The following AHCTF1 variants were observed in gnomAD, a reference collection of about 807,000 sequenced individuals.
The protein encoded by AHCTF1 is AT-hook containing transcription factor 1.
AHCTF1 carries 24 observed loss-of-function variants against 248.4 expected under a neutral mutation model. That is an observed-to-expected ratio of 0.10 (90% CI 0.07 to 0.14). The LOEUF is 0.14. AHCTF1 is among the 10% of genes least tolerant of loss of function. AHCTF1 has a pLI of 1.00. For missense variants in AHCTF1, 2,206 were observed against 2,636.2 expected (o/e 0.84, Z 3.57); for synonymous variants, 786 against 929.8 (o/e 0.85, Z 2.81).
In AHCTF1 at chr1:246,861,185, G is replaced by A. The variant is rs994514066; in HGVS notation, c.3846C>T (p.Asn1282=). 1.2e-6 allele frequency: 2 copies of A among 1,613,618 alleles called. No homozygotes were observed. The highest frequency in any genetic ancestry group is 1.7e-6 in the Non-Finnish European group (2 of 1,180,026). ...SKDRTTSFFL[N]SPEKEHQEMD... ...TTTCTTGATGCTCCTTTTCAGGGCT[G>A]TTCAGGAAAAAAGATGTGGTCCTAT... Residue 1282 remains asparagine (N), a synonymous_variant, in exon 29 of 36, where the codon AAC becomes AAT. Coordinates refer to ENST00000648844, the MANE Select transcript of AHCTF1 (RefSeq NM_001323342.2).
intron 8 of AHCTF1, 118 bp from the exon 9 acceptor site, chr1:246,900,587 A>C: frequency 9.2e-7 from 1 of 1,091,460 alleles, no homozygotes; most frequent in African/African-American, 1.6e-5. Context: ...ATTTCACTTG[A>C]TTCATCAAAA....
At chr1:246,902,712 C>A in intron 7 of AHCTF1, 37 bp from the exon 8 acceptor site, 1 of 1,518,394 alleles carries the variant, frequency 6.6e-7, no homozygotes, top group Non-Finnish European at 8.9e-7. Context: ...TAATCTGATT[C>A]TAGGCAAAAA....
chr1:246,888,999 G>T (rs937154435), intron 17 of AHCTF1, among the ~76,000 whole-genome samples: 3 of 152,162 alleles, frequency 2.0e-5, no homozygotes, highest in African/African-American at 4.8e-5. Flanking sequence ...CCCTTAATTT[G>T]CCTCAAGTTC....
rs1416661222 is a variant in AHCTF1 at position 246,900,386 on chromosome 1, G to A, written c.1201C>T (p.Leu401Phe). The A allele has an allele frequency of 5.0e-6, 8 of 1,597,034 alleles. No individual in the cohort carries two copies. The highest frequency in any genetic ancestry group is 6.8e-6 in the Non-Finnish European group (8 of 1,176,528). Residue 401 changes from leucine (L) to phenylalanine (F), a missense_variant, in exon 9 of 36, where the codon CTT becomes TTT. Around this residue, in one of 6 missense-constraint regions of AHCTF1, gnomAD observed 650 missense variants for 870.8 expected, o/e 0.75. Coordinates refer to ENST00000648844, the MANE Select transcript of AHCTF1 (RefSeq NM_001323342.2). ...GQGKPSVYLG[L>F]FDINRWYHAQ... ...TGATACCAACGATTTATATCAAAAA[G>A]CCCCAAATATACAGAAGGCTTTCCC... is the stretch of plus-strand genomic sequence containing the variant.
At chr1:246,875,942 C>T (rs1020393295) in intron 24 of AHCTF1, 95 bp downstream of exon 24, 6 of 1,231,036 alleles carry the variant, frequency 4.9e-6, no homozygotes, top group African/African-American at 3.0e-5. Flanking sequence ...TATGTGTTAG[C>T]GAAAGTAGCT....
intron 28 of AHCTF1, 106 bp from the exon 29 acceptor site, chr1:246,861,401 C>T (rs1661541090): frequency 1.9e-6 from 2 of 1,029,490 alleles, no homozygotes; most frequent in Non-Finnish European, 2.8e-6. Flanking sequence ...GTTGTTTTTA[C>T]CCAAATTCTC....
At chr1:246,843,566 T>C (rs116412197) in intron 34 of AHCTF1, among the ~76,000 whole-genome samples, 3 of 152,322 alleles carry the variant, frequency 2.0e-5, no homozygotes, top group Non-Finnish European at 4.4e-5. Flanking sequence ...TGGTAAAATA[T>C]GATCAGTAGC....
chr1:246,872,711 T>A (rs189727244), intron 24 of AHCTF1, among the ~76,000 whole-genome samples: 1 of 152,182 alleles, frequency 6.6e-6, no homozygotes, highest in Non-Finnish European at 1.5e-5. Context: ...CTATCATGGG[T>A]GCTGAAAGGG....
At chr1:246,890,178 G>T in intron 16 of AHCTF1, 119 bp from the exon 17 acceptor site, 1 of 584,018 alleles carries the variant, frequency 1.7e-6, no homozygotes, top group Non-Finnish European at 2.9e-6. Flanking sequence ...CCACAGGGTG[G>T]GTATATTTAG....
intron 6 of AHCTF1, 26 bp downstream of exon 6, chr1:246,905,515 C>A (rs1408453281): frequency 6.3e-7 from 1 of 1,584,586 alleles, no homozygotes; most frequent in Non-Finnish European, 8.6e-7. Flanking sequence ...CAAAACAAAA[C>A]AAAACAAAGT....
chr1:246,840,920 G>A lies in AHCTF1; in HGVS notation c.6687C>T (p.Asp2229=), dbSNP rs749795710. ...TTTTTCTTGGTTTGCTCTTGACTCC[G>A]TCAGCTGGGCTAGCCAAGGGGGAAA... ...RLISPLASPA[D]GVKSKPRKTT... Residue 2229 remains aspartate (D), a synonymous_variant, in exon 36 of 36, where the codon GAC becomes GAT. Coordinates refer to ENST00000648844, the MANE Select transcript of AHCTF1 (RefSeq NM_001323342.2). 1.8e-5 allele frequency: 29 copies of A among 1,612,694 alleles called. No homozygotes were observed. The highest frequency in any genetic ancestry group is 6.7e-5 in the East Asian group (3 of 44,794).
chr1:246,888,810 T>C (rs1034670089), intron 17 of AHCTF1, among the ~76,000 whole-genome samples: 2 of 151,904 alleles, frequency 1.3e-5, no homozygotes, highest in African/African-American at 4.8e-5. Context: ...CTCAGGAGGA[T>C]AAGGAAGGAG....
intron 14 of AHCTF1, 107 bp downstream of exon 14, chr1:246,894,552 A>G (rs1664433975): frequency 2.2e-6 from 2 of 929,646 alleles, no homozygotes; most frequent in Non-Finnish European, 3.2e-6. Context: ...AAAAAAAGAA[A>G]AGAGTTTACA....
intron 1 of AHCTF1, among the ~76,000 whole-genome samples, chr1:246,925,490 T>G (rs1236150152): frequency 2.0e-5 from 3 of 152,180 alleles, no homozygotes; most frequent in African/African-American, 7.2e-5. Flanking sequence ...CATGATGGCT[T>G]ATGCCTGTAC....
chr1:246,922,301 A>G (rs1666597407), intron 1 of AHCTF1, among the ~76,000 whole-genome samples: 1 of 152,206 alleles, frequency 6.6e-6, no homozygotes, highest in Non-Finnish European at 1.5e-5. Context: ...CAGAGGTTGC[A>G]GTAAGCAGAG....
chr1:246,879,964 A>C (rs1250637640), intron 21 of AHCTF1, among the ~76,000 whole-genome samples: 1 of 152,200 alleles, frequency 6.6e-6, no homozygotes, highest in Non-Finnish European at 1.5e-5. Context: ...TAAAGTGAAA[A>C]AAGTATACTG....
rs776737615 is a variant in AHCTF1 at position 246,860,913 on chromosome 1, A to G, written c.4118T>C (p.Leu1373Pro). Residue 1373 changes from leucine (L) to proline (P), a missense_variant, in exon 29 of 36, where the codon CTA becomes CCA. Leu to Pro is a moderately conservative substitution (Grantham distance 98). Around this residue, in one of 6 missense-constraint regions of AHCTF1, gnomAD observed 955 missense variants for 1,055.6 expected, o/e 0.90. Coordinates refer to ENST00000648844, the MANE Select transcript of AHCTF1 (RefSeq NM_001323342.2). ...TGAGTTCTTACCCATTTGTTTCTGTAGGTCTGAAGGAGTTACTTCTGATGC... is the reference window on the plus strand; with the variant it reads ...TGAGTTCTTACCCATTTGTTTCTGTGGGTCTGAAGGAGTTACTTCTGATGC... ...VFASEVTPSD[L>P]QKQMGNLEDA... 6.2e-7 allele frequency: 1 copy of G among 1,607,372 alleles called. No individual in the cohort carries two copies. Among genetic ancestry groups the G allele is most frequent in the Non-Finnish European group, 8.5e-7 (1 of 1,174,416 alleles).
At position 246,840,995 on chromosome 1, in the gene AHCTF1, G is replaced by C; in HGVS notation, c.6612C>G (p.Asn2204Lys). ...GTGACCAAGCACTTTCTTTTTCTGTGTTTCTGAAAAAAAAAGATATGATCA... is the reference window on the plus strand; with the variant it reads ...GTGACCAAGCACTTTCTTTTTCTGTCTTTCTGAAAAAAAAAGATATGATCA... ...RTSKTKQASK[N>K]TEKESAWSPP... The change falls in exon 36 of 36, where the codon AAC (asparagine) becomes AAG (lysine). Residue 2204 changes from asparagine to lysine, a missense_variant. This residue lies in a region of AHCTF1 where 469 missense variants were observed against 470.0 expected (regional missense o/e 1.00). Transcript: ENST00000648844. 6.3e-7 allele frequency: 1 copy of C among 1,589,866 alleles called. No individual in the cohort carries two copies. Among genetic ancestry groups the C allele is most frequent in the Non-Finnish European group, 8.5e-7 (1 of 1,173,508 alleles).
intron 5 of AHCTF1, among the ~76,000 whole-genome samples, chr1:246,906,163 G>A (rs369872645): frequency 1.3e-5 from 2 of 152,144 alleles, no homozygotes; most frequent in African/African-American, 4.8e-5. Context: ...GTTAGAAACT[G>A]AAGAGTTCCC....
Sources: gnomAD v4.1 joint callset for allele counts (sites outside exome capture counted in the v4.1 genomes callset) on GRCh38, gnomAD v4.1.1 for gene constraint, gnomAD v4.1.1 regional missense constraint, MANE v1.5 for transcripts, NCBI Gene and HGNC (gene_info 2026-07-23, HGNC 2026-07-21) for gene names.